Variants in LRMDA observed in about 807,000 individuals in gnomAD.
LRMDA encodes leucine rich melanocyte differentiation associated.
Under a neutral mutation model 29.8 loss-of-function variants are expected in LRMDA, and 18 were observed. That is an observed-to-expected ratio of 0.60 (90% CI 0.42 to 0.90). LRMDA has a LOEUF of 0.90. LRMDA is among the 40% of genes least tolerant of loss of function. The pLI is 0.00. For synonymous variants in LRMDA, 125 were observed against 109.4 expected, an observed-to-expected ratio of 1.14 and a Z score of -0.89; for missense variants, 273 against 273.9, an observed-to-expected ratio of 1.00 and a Z score of 0.02.
intron 2 of LRMDA, among the ~76,000 whole-genome samples, chr10:75,513,715 C>T (rs1229626333): frequency 6.6e-6 from 1 of 152,170 alleles, no homozygotes; most frequent in Non-Finnish European, 1.5e-5. Flanking sequence ...GTCACTCCAA[C>T]CTCCGTTTCT....
intron 1 of LRMDA, among the ~76,000 whole-genome samples, chr10:75,433,664 T>C (rs1238624418): frequency 6.6e-6 from 1 of 152,176 alleles, no homozygotes; most frequent in African/African-American, 2.4e-5. Flanking sequence ...TGTCAGACTT[T>C]AGTAGATCCT....
intron 2 of LRMDA, among the ~76,000 whole-genome samples, chr10:76,015,682 C>T (rs1847869039): frequency 4.6e-5 from 7 of 152,180 alleles, no homozygotes; most frequent in Admixed American, 4.6e-4. Flanking sequence ...CACTGGGAGT[C>T]ATCTTAGAAG....
chr10:75,555,974 T>C (rs1840208669), intron 2 of LRMDA, among the ~76,000 whole-genome samples: 1 of 151,698 alleles, frequency 6.6e-6, no homozygotes, highest in East Asian at 1.9e-4. Flanking sequence ...AGCGCAAGAG[T>C]CAGATTAATG....
In LRMDA at chr10:75,645,116, G is replaced by A. The variant is rs146717733; in HGVS notation, c.131+206622G>A. On this transcript the variant is annotated intron_variant, in intron 2 of 6. Coordinates refer to ENST00000611255, the MANE Select transcript of LRMDA (RefSeq NM_001305581.2). ...TCCTTCCTCAGTCTCCTGAGTAGCT[G>A]GGACTACAGATGTGCACCACCACAC... 6.0e-4 allele frequency among the ~76,000 whole-genome samples: 91 copies of A among 151,918 alleles called. No individual in the cohort carries two copies. In the Middle Eastern group the frequency reaches 0.01, roughly 17 times the overall value.
intron 2 of LRMDA, among the ~76,000 whole-genome samples, chr10:75,703,753 A>T (rs1190283275): frequency 2.6e-5 from 4 of 152,202 alleles, no homozygotes; most frequent in Non-Finnish European, 5.9e-5. Flanking sequence ...TCAGCATTTT[A>T]TTTCCTTTGT....
chr10:75,847,766 A>G (rs1441287698), intron 2 of LRMDA, among the ~76,000 whole-genome samples: 1 of 152,220 alleles, frequency 6.6e-6, no homozygotes, highest in African/African-American at 2.4e-5. Flanking sequence ...ATCACTAATC[A>G]TAAGGGGAAA....
At chr10:76,394,148 G>A (rs987829851) in intron 6 of LRMDA, among the ~76,000 whole-genome samples, 2 of 152,182 alleles carry the variant, frequency 1.3e-5, no homozygotes, top group Admixed American at 6.5e-5. Flanking sequence ...CAACAAGGGA[G>A]TGATAATTTT....
chr10:76,548,398 G>T (rs796115425), intron 6 of LRMDA, among the ~76,000 whole-genome samples: 6 of 149,440 alleles, frequency 4.0e-5, no homozygotes, highest in African/African-American at 1.5e-4. Flanking sequence ...GCAATTCATT[G>T]TTTAGGAAGT....
At chr10:75,920,414 C>A (rs1407528412) in intron 2 of LRMDA, among the ~76,000 whole-genome samples, 2 of 152,090 alleles carry the variant, frequency 1.3e-5, no homozygotes, top group Non-Finnish European at 2.9e-5. Context: ...TTCAGAAGGC[C>A]AGATGTTTCA....
chr10:75,516,729 C>T (rs1167927617), intron 2 of LRMDA, among the ~76,000 whole-genome samples: 1 of 152,054 alleles, frequency 6.6e-6, no homozygotes, highest in East Asian at 1.9e-4. Flanking sequence ...TCAATTTTGG[C>T]TTTTGTTACT....
At chr10:75,950,980 A>G (rs1425567339) in intron 2 of LRMDA, among the ~76,000 whole-genome samples, 1 of 152,156 alleles carries the variant, frequency 6.6e-6, no homozygotes, top group East Asian at 1.9e-4. Flanking sequence ...TCCTGATTCC[A>G]TGCCCAAGGC....
chr10:76,076,731 A>G (rs1848966315), intron 5 of LRMDA, among the ~76,000 whole-genome samples: 1 of 152,144 alleles, frequency 6.6e-6, no homozygotes, highest in Admixed American at 6.5e-5. Flanking sequence ...GACATGATTC[A>G]GGAAAGGAGA....
intron 5 of LRMDA, among the ~76,000 whole-genome samples, chr10:76,204,083 C>T (rs1192097977): frequency 6.6e-6 from 1 of 150,634 alleles, no homozygotes; most frequent in Non-Finnish European, 1.5e-5. Context: ...ATGTGCCTGT[C>T]CACCCATCTC....
At chr10:75,945,803 G>A (rs1846466629) in intron 2 of LRMDA, among the ~76,000 whole-genome samples, 1 of 152,056 alleles carries the variant, frequency 6.6e-6, no homozygotes, top group Non-Finnish European at 1.5e-5. Flanking sequence ...ATGCCTATGG[G>A]CTAAATATGG....
chr10:75,950,179 A>G (rs1846549873), intron 2 of LRMDA, among the ~76,000 whole-genome samples: 1 of 152,174 alleles, frequency 6.6e-6, no homozygotes, highest in Admixed American at 6.5e-5. Context: ...ACATCTGTCC[A>G]GTGACCAGGT....
intron 2 of LRMDA, among the ~76,000 whole-genome samples, chr10:75,830,798 C>T (rs1373009998): frequency 6.6e-6 from 1 of 152,198 alleles, no homozygotes; most frequent in East Asian, 1.9e-4. Flanking sequence ...ACCATGCCTT[C>T]CCAACAGTCC....
intron 2 of LRMDA, among the ~76,000 whole-genome samples, chr10:75,958,804 C>T (rs1487337330): frequency 6.6e-6 from 1 of 152,140 alleles, no homozygotes; most frequent in Non-Finnish European, 1.5e-5. Context: ...AATGGACTCA[C>T]AGTTCCACAT....
intron 2 of LRMDA, among the ~76,000 whole-genome samples, chr10:75,768,878 A>G (rs1429760663): frequency 6.6e-6 from 1 of 152,238 alleles, no homozygotes; most frequent in Non-Finnish European, 1.5e-5. Flanking sequence ...GTTTTTGAAT[A>G]ACTAAATATA....
intron 2 of LRMDA, among the ~76,000 whole-genome samples, chr10:75,558,456 A>G (rs1051714613): frequency 1.3e-5 from 2 of 152,178 alleles, no homozygotes; most frequent in Non-Finnish European, 2.9e-5. Flanking sequence ...TTCAGTCATT[A>G]TCAGTCATGT....
Sources: allele counts gnomAD v4.1 joint callset (sites outside exome capture counted in the v4.1 genomes callset), GRCh38; gene constraint gnomAD v4.1.1; transcripts MANE v1.5; gene names NCBI Gene and HGNC (gene_info 2026-07-23, HGNC 2026-07-21).